The following SGCZ variants were observed in gnomAD, a reference collection of about 807,000 sequenced individuals.
SGCZ encodes sarcoglycan zeta, also known as zeta-sarcoglycan.
Under a neutral mutation model 41.3 loss-of-function variants are expected in SGCZ, and 40 were observed. The ratio of observed to expected loss-of-function variants is 0.97; its 90% CI spans 0.75 to 1.26. SGCZ has a LOEUF of 1.26. Among genes scored for constraint, SGCZ ranks in the 50% most tolerant of loss-of-function variants. The probability of loss-of-function intolerance (pLI) is 0.00; values close to 1 mark genes in which losing one functional copy is unlikely to be tolerated. For missense variants in SGCZ, 552 were observed against 369.8 expected, an observed-to-expected ratio of 1.49 and a Z score of -4.04; for synonymous variants, 206 against 137.5, an observed-to-expected ratio of 1.50 and a Z score of -3.49.
chr8:14,460,679 T>A (rs940256317), intron 2 of SGCZ, among the ~76,000 whole-genome samples: 1 of 152,086 alleles, frequency 6.6e-6, no homozygotes, highest in Non-Finnish European at 1.5e-5. Context: ...AGAAGTAGAT[T>A]TTGTCCCTGC....
chr8:15,112,252 A>G (rs79539072), intron 1 of SGCZ, among the ~76,000 whole-genome samples: 1 of 152,320 alleles, frequency 6.6e-6, no homozygotes, highest in African/African-American at 2.4e-5. Flanking sequence ...CACTACCCTG[A>G]TATCTTCTCA....
chr8:14,875,010 T>C (rs1298453848), intron 1 of SGCZ, among the ~76,000 whole-genome samples: 3 of 152,188 alleles, frequency 2.0e-5, no homozygotes, highest in African/African-American at 7.2e-5. Flanking sequence ...TGGAGAAATT[T>C]CAAGCATAAA....
chr8:15,158,753 A>C (rs1316844662), intron 1 of SGCZ, among the ~76,000 whole-genome samples: 2 of 152,204 alleles, frequency 1.3e-5, no homozygotes, highest in African/African-American at 2.4e-5. Context: ...CCCCAAAGAC[A>C]ATTTTGGAGA....
chr8:14,499,917 T>C (rs1802100936), intron 2 of SGCZ, among the ~76,000 whole-genome samples: 3 of 152,100 alleles, frequency 2.0e-5, no homozygotes, highest in South Asian at 4.1e-4. Flanking sequence ...ACATTTTTTC[T>C]AGATCCTCAA....
chr8:14,713,717 G>A (rs1405493689), intron 1 of SGCZ, among the ~76,000 whole-genome samples: 2 of 149,986 alleles, frequency 1.3e-5, no homozygotes, highest in East Asian at 2.0e-4. Flanking sequence ...AGCTAAAGAA[G>A]GATAATACAG....
chr8:14,231,150 T>A (rs1806551834), intron 4 of SGCZ, among the ~76,000 whole-genome samples: 1 of 143,290 alleles, frequency 7.0e-6, no homozygotes, highest in African/African-American at 2.6e-5. Context: ...TTGCTTTGAT[T>A]CTTTGGGCAA....
At chr8:14,743,373 G>A (rs1799250347) in intron 1 of SGCZ, among the ~76,000 whole-genome samples, 1 of 151,858 alleles carries the variant, frequency 6.6e-6, no homozygotes, top group Non-Finnish European at 1.5e-5. Context: ...ATAAGTTCAT[G>A]TTTTGAACAG....
chr8:14,387,750 T>G (rs1288875486), intron 2 of SGCZ, among the ~76,000 whole-genome samples: 1 of 151,968 alleles, frequency 6.6e-6, no homozygotes, highest in Non-Finnish European at 1.5e-5. Flanking sequence ...TATAATTTTA[T>G]TATTGTTATT....
At chr8:14,115,106 A>T (rs569944519) in intron 5 of SGCZ, among the ~76,000 whole-genome samples, 1 of 152,020 alleles carries the variant, frequency 6.6e-6, no homozygotes. Context: ...TACATCCAAT[A>T]ACTCTTGAGA....
intron 5 of SGCZ, among the ~76,000 whole-genome samples, chr8:14,115,768 C>CAGTT (rs1802503513): frequency 1.3e-5 from 2 of 151,440 alleles, no homozygotes; most frequent in South Asian, 2.1e-4. Context: ...AATCTCCCAT[C>CAGTT]AGTTACACCA....
chr8:14,190,335 T>G (rs887878465), intron 4 of SGCZ, among the ~76,000 whole-genome samples: 1 of 151,932 alleles, frequency 6.6e-6, no homozygotes, highest in Non-Finnish European at 1.5e-5. Flanking sequence ...TTTTTAAGGC[T>G]GAATAATATC....
At chr8:14,381,808 A>G (rs1804377123) in intron 2 of SGCZ, among the ~76,000 whole-genome samples, 1 of 151,994 alleles carries the variant, frequency 6.6e-6, no homozygotes, top group Admixed American at 6.6e-5. Flanking sequence ...AAAAACAAAA[A>G]ACAAACAAAC....
chr8:14,118,629 C>A (rs1218144025), intron 5 of SGCZ, among the ~76,000 whole-genome samples: 1 of 152,140 alleles, frequency 6.6e-6, no homozygotes, highest in Non-Finnish European at 1.5e-5. Context: ...GTCATGAGGT[C>A]TTTGCCCACA....
intron 2 of SGCZ, among the ~76,000 whole-genome samples, chr8:14,405,735 A>T (rs1799194384): frequency 1.3e-5 from 2 of 152,224 alleles, no homozygotes; most frequent in South Asian, 4.1e-4. Flanking sequence ...ATATTGTACT[A>T]CACAGCTGTG....
At chr8:14,271,619 T>G (rs1800061782) in intron 3 of SGCZ, among the ~76,000 whole-genome samples, 1 of 152,204 alleles carries the variant, frequency 6.6e-6, no homozygotes, top group Admixed American at 6.5e-5. Context: ...ACTTCCTATA[T>G]GCTTGTCCAA....
At chr8:14,525,143 C>CATAGATAG (rs35838178) in intron 2 of SGCZ, among the ~76,000 whole-genome samples, 40 of 142,756 alleles carry the variant, frequency 2.8e-4, no homozygotes, top group East Asian at 6.2e-4. Flanking sequence ...TAGATAGACA[C>CATAGATAG]ATAGATAGAT....
At chr8:14,854,606 T>C (rs1329678471) in intron 1 of SGCZ, among the ~76,000 whole-genome samples, 2 of 152,192 alleles carry the variant, frequency 1.3e-5, no homozygotes, top group Admixed American at 6.5e-5. Context: ...GATATGATTA[T>C]TGCAAATATA....
intron 1 of SGCZ, among the ~76,000 whole-genome samples, chr8:14,856,828 T>C (rs1333702649): frequency 6.6e-6 from 1 of 152,120 alleles, no homozygotes; most frequent in Non-Finnish European, 1.5e-5. Flanking sequence ...GTTAAGTAAT[T>C]AAAAGCAAAC....
Position 15,065,036 on chromosome 8 carries a change from C to G in SGCZ, c.39+172549G>C, listed in dbSNP as rs1362616959. 2.0e-5 allele frequency among the ~76,000 whole-genome samples: 3 copies of G among 152,274 alleles called. No homozygotes were observed. The East Asian group carries it at 5.8e-4, about 29-fold the overall frequency. On this transcript the variant is annotated intron_variant, in intron 1 of 7. Transcript: ENST00000382080. ...CTAAACTAATTCAATACAACACCAG[C>G]AAGGGAGACTTCCAAATGCAAAAAT...
Sources: gnomAD v4.1 joint callset for allele counts (sites outside exome capture counted in the v4.1 genomes callset) on GRCh38, gnomAD v4.1.1 for gene constraint, MANE v1.5 for transcripts, NCBI Gene and HGNC (gene_info 2026-07-23, HGNC 2026-07-21) for gene names.